The following EPB41L5 variants were observed in gnomAD, a reference collection of about 807,000 sequenced individuals.
EPB41L5 encodes band 4.1-like protein 5.
A neutral mutation model predicts 106.6 loss-of-function variants in EPB41L5; 55 were observed. The observed-to-expected ratio is 0.52, with a 90% CI of 0.42 to 0.65. The LOEUF (loss-of-function observed/expected upper bound fraction) is 0.65. EPB41L5 is among the 30% of genes least tolerant of loss of function. The pLI, the probability that EPB41L5 is intolerant of heterozygous loss-of-function variation, is 0.00. For synonymous variants in EPB41L5, 297 were observed against 306.7 expected, an observed-to-expected ratio of 0.97 and a Z score of 0.33; for missense variants, 871 against 882.1, an observed-to-expected ratio of 0.99 and a Z score of 0.16.
At chr2:120,169,294 A>AAAAATAATAATCTTGACCCAACTCCAT (rs1687561027) in intron 24 of EPB41L5, among the ~76,000 whole-genome samples, 1 of 152,242 alleles carries the variant, frequency 6.6e-6, no homozygotes, top group South Asian at 2.1e-4. Context: ...CCTGTGGGGA[A>AAAAATAATAATCTTGACCCAACTCCAT]AAAATAATAA....
intron 17 of EPB41L5, 61 bp from the exon 18 acceptor site, chr2:120,131,557 C>T (rs910894054): frequency 1.6e-5 from 19 of 1,180,124 alleles, no homozygotes; most frequent in Non-Finnish European, 2.0e-5. Context: ...CATACCCTCA[C>T]ACAGCTAGCT....
At chr2:120,091,266 A>G (rs1236405380) in intron 12 of EPB41L5, among the ~76,000 whole-genome samples, 1 of 152,036 alleles carries the variant, frequency 6.6e-6, no homozygotes, top group Non-Finnish European at 1.5e-5. Context: ...GTAGATGGGA[A>G]AGAGAGGGAG....
At chr2:120,092,491 A>G (rs1269972092) in intron 13 of EPB41L5, among the ~76,000 whole-genome samples, 1 of 152,212 alleles carries the variant, frequency 6.6e-6, no homozygotes, top group Non-Finnish European at 1.5e-5. Flanking sequence ...TATAAGAAAA[A>G]GCACTATTTA....
chr2:120,137,086 A>G (rs186532269), intron 18 of EPB41L5, among the ~76,000 whole-genome samples: 1 of 152,232 alleles, frequency 6.6e-6, no homozygotes, highest in East Asian at 1.9e-4. Context: ...AAACTATACA[A>G]CCACATGGAA....
chr2:120,165,135 T>C (rs1179607149), intron 22 of EPB41L5, among the ~76,000 whole-genome samples: 2 of 152,236 alleles, frequency 1.3e-5, no homozygotes, highest in African/African-American at 4.8e-5. Context: ...CCTTTTATAA[T>C]TCAACATCAT....
At chr2:120,158,213 T>C (rs762702717) in intron 20 of EPB41L5, among the ~76,000 whole-genome samples, 11 of 152,118 alleles carry the variant, frequency 7.2e-5, no homozygotes, top group Non-Finnish European at 1.3e-4. Context: ...TTTCAAAAAA[T>C]TGAGGAGGAG....
intron 2 of EPB41L5, among the ~76,000 whole-genome samples, chr2:120,032,076 A>G (rs1295939471): frequency 1.3e-5 from 2 of 152,156 alleles, no homozygotes; most frequent in Non-Finnish European, 2.9e-5. Flanking sequence ...TGGGGAGATT[A>G]TAAGCAGATA....
chr2:120,056,790 A>G (rs1680685035), intron 3 of EPB41L5, among the ~76,000 whole-genome samples: 1 of 151,890 alleles, frequency 6.6e-6, no homozygotes, highest in Non-Finnish European at 1.5e-5. Flanking sequence ...AATTCTTTCA[A>G]CATTTGGTAG....
chr2:120,131,605 T>G lies in EPB41L5; in HGVS notation c.1502-13T>G, dbSNP rs768614176. ...CAGACTGGGGTTATTTTGCCTTTTT[T>G]TTTTCTTTTCAGCATTAAAAGACAC... On this transcript the variant is annotated splice_polypyrimidine_tract_variant and intron_variant, in intron 17 of 24. Coordinates refer to ENST00000263713, the MANE Select transcript of EPB41L5 (RefSeq NM_020909.4). 6.2e-7 allele frequency: 1 copy of G among 1,604,184 alleles called. No homozygotes were observed. Among genetic ancestry groups the G allele is most frequent in the South Asian group, 1.1e-5 (1 of 90,270 alleles).
chr2:120,146,589 C>G (rs1431538197), intron 20 of EPB41L5, among the ~76,000 whole-genome samples: 1 of 152,226 alleles, frequency 6.6e-6, no homozygotes, highest in Non-Finnish European at 1.5e-5. Context: ...TATTCTCTTA[C>G]AGTAAACTTT....
intron 21 of EPB41L5, among the ~76,000 whole-genome samples, chr2:120,163,970 T>A (rs201925038): frequency 8.8e-5 from 6 of 68,548 alleles, no homozygotes; most frequent in Admixed American, 1.6e-4. Flanking sequence ...TTTTTATTTT[T>A]TTGTATTTAC....
intron 2 of EPB41L5, among the ~76,000 whole-genome samples, chr2:120,021,709 C>T (rs542712817): frequency 1.1e-3 from 160 of 152,244 alleles, no homozygotes; most frequent in South Asian, 9.3e-3. Flanking sequence ...ACTCTAGGTA[C>T]GTGCATGGAT....
intron 10 of EPB41L5, among the ~76,000 whole-genome samples, chr2:120,084,485 G>A (rs999337801): frequency 6.6e-6 from 1 of 152,140 alleles, no homozygotes; most frequent in African/African-American, 2.4e-5. Flanking sequence ...AGTTTCTGCC[G>A]AGAGATCTGC....
chr2:120,083,083 G>A (rs987540343), intron 10 of EPB41L5, among the ~76,000 whole-genome samples: 1 of 152,020 alleles, frequency 6.6e-6, no homozygotes, highest in Non-Finnish European at 1.5e-5. Flanking sequence ...TTTTTGAAGG[G>A]TTTTTTGTGT....
chr2:120,042,994 AAT>A (rs1491569696), intron 3 of EPB41L5, among the ~76,000 whole-genome samples: 6 of 71,120 alleles, frequency 8.4e-5, no homozygotes, highest in African/African-American at 3.5e-4. Flanking sequence ...TTTTTCTGGA[AAT>A]GTGTGTGTGT....
At chr2:120,025,464 C>G (rs1372232773) in intron 2 of EPB41L5, among the ~76,000 whole-genome samples, 1 of 151,938 alleles carries the variant, frequency 6.6e-6, no homozygotes, top group Non-Finnish European at 1.5e-5. Context: ...AGATGGTGCT[C>G]CTGAATACAG....
intron 18 of EPB41L5, among the ~76,000 whole-genome samples, chr2:120,136,940 G>A (rs971823636): frequency 2.0e-5 from 3 of 151,850 alleles, no homozygotes; most frequent in South Asian, 2.1e-4. Context: ...TGTCCTCAGC[G>A]CACAGATTAT....
At chr2:120,024,688 T>C (rs1473694961) in intron 2 of EPB41L5, among the ~76,000 whole-genome samples, 1 of 152,196 alleles carries the variant, frequency 6.6e-6, no homozygotes, top group African/African-American at 2.4e-5. Flanking sequence ...CTCGGTCTCC[T>C]GACCTCATGA....
intron 5 of EPB41L5, among the ~76,000 whole-genome samples, chr2:120,074,919 C>A (rs1682124482): frequency 6.6e-6 from 1 of 152,112 alleles, no homozygotes; most frequent in Non-Finnish European, 1.5e-5. Context: ...CCTCTGTTCC[C>A]CCAGGTTCAA....
Sources: gnomAD v4.1 joint callset for allele counts (sites outside exome capture counted in the v4.1 genomes callset) on GRCh38, gnomAD v4.1.1 for gene constraint, MANE v1.5 for transcripts, NCBI Gene and HGNC (gene_info 2026-07-23, HGNC 2026-07-21) for gene names.